WWOX: variants seen among roughly 807,000 people sequenced by gnomAD.
WWOX encodes the protein WW domain-containing oxidoreductase.
In WWOX, 69 loss-of-function variants were observed where a neutral mutation model predicts 46.2. The observed-to-expected ratio is 1.49, with a 90% CI of 1.23 to 1.82. WWOX has a LOEUF of 1.82. WWOX is among the 40% of genes most tolerant of loss of function. The pLI, the probability that WWOX is intolerant of heterozygous loss-of-function variation, is 0.00. For missense variants in WWOX, 919 were observed against 542.6 expected (o/e 1.69, Z -6.89); for synonymous variants, 359 against 202.6 (o/e 1.77, Z -6.56).
At chr16:78,894,835 G>T (rs1020251084) in intron 8 of WWOX, among the ~76,000 whole-genome samples, 4 of 152,104 alleles carry the variant, frequency 2.6e-5, no homozygotes, top group African/African-American at 7.2e-5. Context: ...TCCACAATGC[G>T]GCTATTATGA....
At chr16:78,817,034 C>T (rs1281046849) in intron 8 of WWOX, among the ~76,000 whole-genome samples, 1 of 152,034 alleles carries the variant, frequency 6.6e-6, no homozygotes, top group African/African-American at 2.4e-5. Flanking sequence ...GTTTTTGATC[C>T]CACAGTCTGA....
chr16:78,682,314 T>TA, intron 8 of WWOX, among the ~76,000 whole-genome samples: 1 of 152,324 alleles, frequency 6.6e-6, no homozygotes, highest in African/African-American at 2.4e-5. Flanking sequence ...TTTAATAGTT[T>TA]AAGTAGAGCC....
At chr16:78,586,718 A>G (rs575956283) in intron 8 of WWOX, among the ~76,000 whole-genome samples, 3 of 152,348 alleles carry the variant, frequency 2.0e-5, no homozygotes, top group East Asian at 1.9e-4. Context: ...CATCTTTATC[A>G]TAGCCCTTAT....
At chr16:78,557,023 A>G (rs2044314696) in intron 8 of WWOX, among the ~76,000 whole-genome samples, 1 of 152,100 alleles carries the variant, frequency 6.6e-6, no homozygotes, top group South Asian at 2.1e-4. Flanking sequence ...CAGCCGGCAA[A>G]CTTACTTTAA....
chr16:78,668,690 G>T (rs2047390115), intron 8 of WWOX, among the ~76,000 whole-genome samples: 1 of 152,168 alleles, frequency 6.6e-6, no homozygotes, highest in South Asian at 2.1e-4. Context: ...GCAGGCATCA[G>T]ATGGGCTTTG....
chr16:78,667,409 G>A (rs2047356585), intron 8 of WWOX, among the ~76,000 whole-genome samples: 1 of 151,836 alleles, frequency 6.6e-6, no homozygotes, highest in African/African-American at 2.4e-5. Context: ...GGTGGCTCAC[G>A]CCTGTATTCC....
intron 8 of WWOX, among the ~76,000 whole-genome samples, chr16:79,125,844 G>A (rs963077323): frequency 6.6e-6 from 1 of 152,148 alleles, no homozygotes; most frequent in Admixed American, 6.5e-5. Flanking sequence ...TTTTGCCATA[G>A]CTTTTTACTT....
intron 8 of WWOX, among the ~76,000 whole-genome samples, chr16:78,583,065 C>G (rs1219451413): frequency 6.6e-6 from 1 of 152,244 alleles, no homozygotes; most frequent in Non-Finnish European, 1.5e-5. Context: ...CCATTCCCTT[C>G]TCCGAGCAGA....
At chr16:78,699,430 T>C (rs1055601045) in intron 8 of WWOX, among the ~76,000 whole-genome samples, 9 of 151,456 alleles carry the variant, frequency 5.9e-5, no homozygotes, top group Non-Finnish European at 1.0e-4. Context: ...TCCCAGCTAC[T>C]TGGGAGGCTG....
intron 5 of WWOX, among the ~76,000 whole-genome samples, chr16:78,369,373 C>A (rs1031610865): frequency 1.3e-5 from 2 of 152,134 alleles, no homozygotes; most frequent in Admixed American, 6.5e-5. Flanking sequence ...TCAGGAAATG[C>A]TTTCCATTTA....
chr16:78,703,973 C>G (rs923816214), intron 8 of WWOX, among the ~76,000 whole-genome samples: 1 of 152,094 alleles, frequency 6.6e-6, no homozygotes, highest in Non-Finnish European at 1.5e-5. Flanking sequence ...TTAACCATTT[C>G]TCAGTGCACA....
At chr16:78,146,168 G>T (rs1337882170) in intron 4 of WWOX, among the ~76,000 whole-genome samples, 1 of 152,094 alleles carries the variant, frequency 6.6e-6, no homozygotes, top group African/African-American at 2.4e-5. Context: ...GAGAATCTCT[G>T]TTGGGATCTT....
At chr16:79,117,553 C>T (rs1001546004) in intron 8 of WWOX, among the ~76,000 whole-genome samples, 14 of 152,288 alleles carry the variant, frequency 9.2e-5, no homozygotes, top group Non-Finnish European at 1.3e-4. Context: ...GCCTGTGCTT[C>T]GCAGCTTTGA....
At chr16:78,465,417 C>G (rs1479566870) in intron 8 of WWOX, among the ~76,000 whole-genome samples, 1 of 152,208 alleles carries the variant, frequency 6.6e-6, no homozygotes, top group East Asian at 1.9e-4. Flanking sequence ...TAAGCTCAAG[C>G]AGTCCGCCTG....
At chr16:79,108,705 C>T (rs1162198003) in intron 8 of WWOX, among the ~76,000 whole-genome samples, 1 of 151,996 alleles carries the variant, frequency 6.6e-6, no homozygotes, top group African/African-American at 2.4e-5. Context: ...AGTTTGAGAC[C>T]AGCCCGGGCA....
At chr16:78,595,371 A>G (rs550591793) in intron 8 of WWOX, among the ~76,000 whole-genome samples, 55 of 144,426 alleles carry the variant, frequency 3.8e-4, no homozygotes, top group African/African-American at 1.2e-3. Context: ...CCTTGCTTCA[A>G]CCCTCCCCGC....
At chr16:78,256,351 C>G (rs1199150984) in intron 5 of WWOX, among the ~76,000 whole-genome samples, 2 of 151,928 alleles carry the variant, frequency 1.3e-5, no homozygotes, top group African/African-American at 2.4e-5. Context: ...ACCTACTGGC[C>G]TCTACCGCTT....
chr16:78,955,579 T>C, intron 8 of WWOX, among the ~76,000 whole-genome samples: 1 of 152,224 alleles, frequency 6.6e-6, no homozygotes, highest in East Asian at 1.9e-4. Context: ...ATATTTACTT[T>C]ATGAAACCTC....
chr16:78,542,722 C>G (rs577422421), intron 8 of WWOX, among the ~76,000 whole-genome samples: 1 of 152,338 alleles, frequency 6.6e-6, no homozygotes, highest in African/African-American at 2.4e-5. Flanking sequence ...GCCCTCTAAA[C>G]TGGCATAACC....
Sources: allele counts gnomAD v4.1 joint callset (sites outside exome capture counted in the v4.1 genomes callset), GRCh38; gene constraint gnomAD v4.1.1; transcripts MANE v1.5; gene names NCBI Gene and HGNC (gene_info 2026-07-23, HGNC 2026-07-21).